Variants in SYNE2 observed in about 807,000 individuals in gnomAD.
The protein encoded by SYNE2 is nesprin-2.
Under a neutral mutation model 856.3 loss-of-function variants are expected in SYNE2, and 431 were observed. The observed-to-expected ratio is 0.50, with a 90% CI of 0.47 to 0.55. SYNE2 has a LOEUF of 0.55. SYNE2 is among the 20% of genes least tolerant of loss of function. The pLI is 0.00. For synonymous variants in SYNE2, 2,923 were observed against 2,872.3 expected (o/e 1.02, Z -0.56); for missense variants, 8,129 against 8,023.2 (o/e 1.01, Z -0.50).
chr14:64,017,611 A>G lies in SYNE2; in HGVS notation c.4904A>G (p.Glu1635Gly). ...DRWLDINEKT[E>G]DYYENLGRAL... ...TTATGGTAGATAAATGAGAAGACAG[A>G]AGATTACTATGAAAATCTTGGTCGA... is the stretch of plus-strand genomic sequence containing the variant. Residue 1635 changes from glutamate (E) to glycine (G), a missense_variant, in exon 34 of 116, where the codon GAA (glutamate) becomes GGA (glycine). Physicochemically the swap from Glu to Gly is moderately conservative, Grantham distance 98. Coordinates refer to ENST00000555002, the MANE Select transcript of SYNE2 (RefSeq NM_182914.3). 1 of 1,612,650 alleles carries G rather than the reference A, an allele frequency of 6.2e-7. No individual in the cohort carries two copies. The highest frequency in any genetic ancestry group is 8.5e-7 in the Non-Finnish European group (1 of 1,179,166).
intron 94 of SYNE2, chr14:64,173,991 C>T (rs971991401): frequency 1.2e-5 from 8 of 665,578 alleles, no homozygotes; most frequent in Non-Finnish European, 2.1e-5. Context: ...CCCTGCTCTG[C>T]AGGAGCAGTC....
At position 64,025,048 on chromosome 14, in the gene SYNE2, A is replaced by T; in HGVS notation, c.5960+17A>T. On this transcript the variant is annotated intron_variant, in intron 40 of 115. Transcript: ENST00000555002. ...TAGAAAGAGGTATAGCTGATCTTGTATGAAATACATTACCTGAGATTATGG... is the reference window on the plus strand; with the variant it reads ...TAGAAAGAGGTATAGCTGATCTTGTTTGAAATACATTACCTGAGATTATGG... 8 of 1,614,062 alleles carry T rather than the reference A, an allele frequency of 5.0e-6. No homozygotes were observed. Among genetic ancestry groups the T allele is most frequent in the Non-Finnish European group, 6.8e-6 (8 of 1,179,962 alleles).
intron 1 of SYNE2, among the ~76,000 whole-genome samples, chr14:63,770,785 A>G (rs905687977): frequency 2.0e-5 from 3 of 152,110 alleles, no homozygotes; most frequent in African/African-American, 7.2e-5. Flanking sequence ...GCAAGATCCC[A>G]TATCCACTGT....
chr14:63,978,890 T>C lies in SYNE2; in HGVS notation c.1445T>C (p.Leu482Pro), dbSNP rs1395621556. ...NILEKKFILL[L>P]EFHYYKCLVL... The stretch of plus-strand genomic sequence containing the variant: ...TTGGAGAAAAAATTTATTCTACTTC[T>C]AGAATTTCATTACTACAAGTGCTTA... The change falls in exon 14 of 116, where the codon CTA (leucine) becomes CCA (proline). Residue 482 changes from leucine to proline, a missense_variant. Leu to Pro is a moderately conservative substitution (Grantham distance 98, BLOSUM62 -3). Transcript: ENST00000555002. 6.2e-7 allele frequency: 1 copy of C among 1,613,216 alleles called. No individual in the cohort carries two copies. The highest frequency in any genetic ancestry group is 8.5e-7 in the Non-Finnish European group (1 of 1,179,492).
intron 1 of SYNE2, among the ~76,000 whole-genome samples, chr14:63,819,622 C>T (rs182320309): frequency 3.3e-5 from 5 of 150,988 alleles, no homozygotes; most frequent in East Asian, 2.0e-4. Flanking sequence ...CTGCAAGCTC[C>T]GCCTCCTGGG....
chr14:64,219,964 C>T (rs2098687049), intron 110 of SYNE2, among the ~76,000 whole-genome samples: 1 of 152,208 alleles, frequency 6.6e-6, no homozygotes, highest in African/African-American at 2.4e-5. Context: ...TTAAGGGTGC[C>T]ATGAGCAGTA....
chr14:64,028,015 C>A (rs2096994899), intron 43 of SYNE2, among the ~76,000 whole-genome samples: 1 of 152,072 alleles, frequency 6.6e-6, no homozygotes, highest in African/African-American at 2.4e-5. Context: ...TCAGGTGATC[C>A]TCCTGCTTCA....
At chr14:63,830,068 G>A (rs1305188526) in intron 1 of SYNE2, among the ~76,000 whole-genome samples, 3 of 152,136 alleles carry the variant, frequency 2.0e-5, no homozygotes, top group Non-Finnish European at 2.9e-5. Context: ...CTGATACATA[G>A]AACAAGATGG....
At chr14:64,009,535 C>CAAAAA (rs67434536) in intron 31 of SYNE2, among the ~76,000 whole-genome samples, 3 of 77,416 alleles carry the variant, frequency 3.9e-5, no homozygotes, top group Non-Finnish European at 7.4e-5. Context: ...GACTCTGTCT[C>CAAAAA]AAAAAAAAAA....
intron 2 of SYNE2, among the ~76,000 whole-genome samples, chr14:63,932,337 G>C (rs866612571): frequency 6.6e-6 from 1 of 152,144 alleles, no homozygotes; most frequent in Non-Finnish European, 1.5e-5. Context: ...AGCCGAGATC[G>C]TGCCATTGCA....
upstream of SYNE2, among the ~76,000 whole-genome samples, chr14:63,850,114 T>C (rs1306111494): frequency 6.7e-6 from 1 of 149,604 alleles, no homozygotes; most frequent in Non-Finnish European, 1.5e-5. Flanking sequence ...GGAGTTTCGC[T>C]CTTGTTGCCC....
At chr14:64,140,519 G>T (rs956391139) in intron 80 of SYNE2, among the ~76,000 whole-genome samples, 6 of 152,170 alleles carry the variant, frequency 3.9e-5, no homozygotes, top group Admixed American at 2.6e-4. Context: ...GTGGGTGGAG[G>T]TTGCAATGAG....
rs144623482 is a variant in SYNE2 at position 64,210,360 on chromosome 14, C to T, written c.18723+236C>T. Among the ~76,000 whole-genome samples, 14 of 152,326 alleles carry T rather than the reference C, an allele frequency of 9.2e-5. No homozygotes were observed. In the East Asian group the frequency reaches 1.5e-3, roughly 17 times the overall value. ...CTGTTGATGAGATTTGCGTTACCAA[C>T]GCACAGCTCTTTTTACAACTTCTGT... On this transcript the variant is annotated intron_variant, in intron 103 of 115. Coordinates refer to ENST00000555002, the MANE Select transcript of SYNE2 (RefSeq NM_182914.3).
rs529875291 is a variant in SYNE2 at position 64,110,110 on chromosome 14, CATAAGCAGTGGGGGAGATATGCAGGT to C, written c.12609+2532_12609+2557del. On this transcript the variant is annotated intron_variant, in intron 65 of 115. Coordinates refer to ENST00000555002, the MANE Select transcript of SYNE2 (RefSeq NM_182914.3). ...ACTTTAGGTATGCAGTTTTACATTT[CATAAGCAGTGGGGGAGATATGCAGGT>C]ATAAGCAGTGGGGGAGATATGCAGG... is the stretch of plus-strand genomic sequence containing the variant. Among the ~76,000 whole-genome samples, 423 of 152,086 alleles carry C rather than the reference CATAAGCAGTGGGGGAGATATGCAGGT, an allele frequency of 2.8e-3. 1 individual carries two copies. Among genetic ancestry groups the C allele is most frequent in the African/African-American group, 9.4e-3 (391 of 41,468 alleles).
intron 96 of SYNE2, among the ~76,000 whole-genome samples, chr14:64,179,624 A>G (rs2098449264): frequency 6.6e-6 from 1 of 152,120 alleles, no homozygotes; most frequent in Non-Finnish European, 1.5e-5. Flanking sequence ...CAGCTGTGAG[A>G]TAGTATCTCT....
chr14:64,111,011 T>C (rs1473011365), intron 65 of SYNE2, among the ~76,000 whole-genome samples: 1 of 152,134 alleles, frequency 6.6e-6, no homozygotes. Context: ...AGCTTGCTTA[T>C]TTCCTCATTA....
intron 1 of SYNE2, among the ~76,000 whole-genome samples, chr14:63,896,657 G>T (rs1056031388): frequency 3.3e-5 from 5 of 152,192 alleles, no homozygotes; most frequent in Non-Finnish European, 7.3e-5. Context: ...GCCCAAGGCC[G>T]AGTGGTCAGT....
intron 1 of SYNE2, among the ~76,000 whole-genome samples, chr14:63,826,402 C>T (rs1396570034): frequency 2.0e-5 from 3 of 152,130 alleles, no homozygotes; most frequent in East Asian, 1.9e-4. Flanking sequence ...CAGGTTCAAG[C>T]GATTCTCCTG....
chr14:64,059,195 G>A (rs1186148160), intron 49 of SYNE2, among the ~76,000 whole-genome samples: 1 of 152,146 alleles, frequency 6.6e-6, no homozygotes, highest in Non-Finnish European at 1.5e-5. Context: ...GTGAAGTCAT[G>A]TTTTCATGGA....
Sources: allele counts gnomAD v4.1 joint callset (sites outside exome capture counted in the v4.1 genomes callset), GRCh38; gene constraint gnomAD v4.1.1; transcripts MANE v1.5; gene names NCBI Gene and HGNC (gene_info 2026-07-23, HGNC 2026-07-21).